MASP1: variants seen among roughly 807,000 people sequenced by gnomAD.
MASP1 encodes the protein mannan-binding lectin serine protease 1.
MASP1 carries 59 observed loss-of-function variants against 77.1 expected under a neutral mutation model. The ratio of observed to expected loss-of-function variants is 0.77; its 90% confidence interval spans 0.62 to 0.95. MASP1 has a LOEUF of 0.95. Among genes scored for constraint, MASP1 ranks in the 40% least tolerant of loss-of-function variants. The probability of loss-of-function intolerance (pLI) is 0.00; values close to 1 mark genes in which losing one functional copy is unlikely to be tolerated. For missense variants in MASP1, 885 were observed against 912.9 expected, an observed-to-expected ratio of 0.97 and a Z score of 0.39; for synonymous variants, 362 against 354.5, an observed-to-expected ratio of 1.02 and a Z score of -0.24.
At chr3:187,251,412 T>TGA in intron 7 of MASP1, 1 of 456,510 alleles carries the variant, frequency 2.2e-6, no homozygotes. Flanking sequence ...ATGCTCTGAT[T>TGA]AAAAAAAAAA....
chr3:187,247,922 C>T (rs1239523111), intron 8 of MASP1, among the ~76,000 whole-genome samples: 3 of 152,174 alleles, frequency 2.0e-5, no homozygotes, highest in African/African-American at 7.2e-5. Flanking sequence ...CCACTGCTTT[C>T]AGGTGTGATA....
chr3:187,237,114 T>C lies in MASP1; in HGVS notation c.1304-547A>G, dbSNP rs1434607953. Among the ~76,000 whole-genome samples the C allele has an allele frequency of 2.0e-5, 3 of 152,200 alleles. No individual in the cohort carries two copies. In the East Asian group the frequency reaches 5.8e-4, roughly 29 times the overall value. Reference sequence around the variant, plus strand: ...CCTGGCTTTTCTCTTCCATTTCCCATGTAACTCTGAGTCAGCAAATATCCC... The same window carrying C: ...CCTGGCTTTTCTCTTCCATTTCCCACGTAACTCTGAGTCAGCAAATATCCC... On this transcript the variant is annotated intron_variant, in intron 10 of 10. Coordinates refer to ENST00000296280, the MANE Select transcript of MASP1 (RefSeq NM_139125.4).
chr3:187,254,772 T>A (rs1325124464), intron 5 of MASP1, among the ~76,000 whole-genome samples: 1 of 152,180 alleles, frequency 6.6e-6, no homozygotes, highest in Non-Finnish European at 1.5e-5. Flanking sequence ...GGCTCTATTA[T>A]CTGATCCGGA....
intron 10 of MASP1, among the ~76,000 whole-genome samples, chr3:187,239,962 C>T (rs10513806): frequency 0.039 from 5,863 of 152,160 alleles, 241 homozygotes; most frequent in East Asian, 0.22. Flanking sequence ...GAATGGTAGA[C>T]AACTCCATAG....
intron 2 of MASP1, among the ~76,000 whole-genome samples, chr3:187,269,236 T>C (rs1716318801): frequency 6.6e-6 from 1 of 152,150 alleles, no homozygotes; most frequent in Non-Finnish European, 1.5e-5. Context: ...CATTATTCTG[T>C]AGCACCCTGA....
intron 2 of MASP1, among the ~76,000 whole-genome samples, chr3:187,270,312 T>C (rs911186533): frequency 1.3e-5 from 2 of 152,222 alleles, no homozygotes; most frequent in Non-Finnish European, 2.9e-5. Flanking sequence ...AAATCTTTGC[T>C]GAATCAGTGC....
At chr3:187,277,891 C>T (rs954145626) in intron 2 of MASP1, among the ~76,000 whole-genome samples, 1 of 152,098 alleles carries the variant, frequency 6.6e-6, no homozygotes, top group Non-Finnish European at 1.5e-5. Context: ...AGCACTTTTC[C>T]ATAAATTGCT....
At chr3:187,285,731 A>T in intron 2 of MASP1, 94 bp downstream of exon 2, 1 of 986,006 alleles carries the variant, frequency 1.0e-6, no homozygotes, top group Non-Finnish European at 1.6e-6. Flanking sequence ...TGTCTCTCTT[A>T]CTATATGCCA....
chr3:187,227,635 G>T (rs1039472988), intron 11 of MASP1, among the ~76,000 whole-genome samples: 2 of 152,192 alleles, frequency 1.3e-5, no homozygotes, highest in African/African-American at 2.4e-5. Flanking sequence ...GCAGCTATGT[G>T]CTCCTGGGTC....
Position 187,260,721 on chromosome 3 carries a change from C to T in MASP1, c.547+20G>A. On this transcript the variant is annotated intron_variant, in intron 4 of 10. Coordinates refer to ENST00000296280, the MANE Select transcript of MASP1 (RefSeq NM_139125.4). Reference sequence around the variant, plus strand: ...ATGTGGCCTATAAGGGCAATGCATACAATCATTGGTAGGCTCTACCTCGGC... The same window carrying T: ...ATGTGGCCTATAAGGGCAATGCATATAATCATTGGTAGGCTCTACCTCGGC... 1.9e-6 allele frequency: 3 copies of T among 1,614,152 alleles called. No individual in the cohort carries two copies. The highest frequency in any genetic ancestry group is 8.5e-7 in the Non-Finnish European group (1 of 1,180,000).
intron 13 of MASP1, chr3:187,225,291 C>A: frequency 1.9e-6 from 3 of 1,609,906 alleles, no homozygotes; most frequent in Non-Finnish European, 2.5e-6. Flanking sequence ...GAGGCACCAG[C>A]TGCCCTGCAG....
Position 187,260,932 on chromosome 3 carries a change from C to A in MASP1, c.416-60G>T, listed in dbSNP as rs1267135614. On this transcript the variant is annotated intron_variant, in intron 3 of 10. Transcript: ENST00000296280. ...GCATGATGATGAAGACTACAGCCAA[C>A]ATTTATAGAGCACTTGATATGGGCC... 7.5e-6 allele frequency: 12 copies of A among 1,602,038 alleles called. No homozygotes were observed. In the African/African-American group the frequency reaches 9.4e-5, roughly 12 times the overall value.
chr3:187,271,578 C>A (rs1012235977), intron 2 of MASP1, among the ~76,000 whole-genome samples: 1 of 152,034 alleles, frequency 6.6e-6, no homozygotes, highest in African/African-American at 2.4e-5. Flanking sequence ...GTTGAAAGTA[C>A]GCATTGAAAA....
At chr3:187,236,709 G>T in intron 10 of MASP1, 142 bp from the exon 11 acceptor site, 1 of 1,406,792 alleles carries the variant, frequency 7.1e-7, no homozygotes, top group Non-Finnish European at 9.8e-7. Flanking sequence ...GGTCATGCTA[G>T]CCTGGGAGAG....
At chr3:187,245,084 A>T (rs1433550172) in intron 8 of MASP1, 2 of 152,218 alleles carry the variant, frequency 1.3e-5, no homozygotes, top group Non-Finnish European at 1.5e-5. Flanking sequence ...CCTCTAGTCC[A>T]ATCACCCTGG....
Position 187,234,768 on chromosome 3 carries a change from T to C in MASP1, c.*916A>G. The C allele has an allele frequency of 7.8e-7, 1 of 1,287,266 alleles. No homozygotes were observed. Among genetic ancestry groups the C allele is most frequent in the Non-Finnish European group, 1.0e-6 (1 of 988,702 alleles). 79.7% of individuals were successfully genotyped at this position (1,287,266 alleles called of 1,614,324 possible). A position where few individuals can be genotyped will look rare whatever the true frequency, so the allele number is the denominator to read the frequency against. ...GCAGGACACAGTGTGGGTCTTTTCTTTTTCCAGGTAATCGACTAAGTCCCC... is the reference window on the plus strand; with the variant it reads ...GCAGGACACAGTGTGGGTCTTTTCTCTTTCCAGGTAATCGACTAAGTCCCC... On this transcript the variant is annotated 3_prime_UTR_variant, in exon 11 of 11. Coordinates refer to ENST00000296280, the MANE Select transcript of MASP1 (RefSeq NM_139125.4).
intron 8 of MASP1, chr3:187,247,410 A>G: frequency 6.2e-7 from 1 of 1,614,024 alleles, no homozygotes; most frequent in Non-Finnish European, 8.5e-7. Flanking sequence ...AAGATCAAAG[A>G]GGGATCAAGA....
intron 5 of MASP1, among the ~76,000 whole-genome samples, chr3:187,253,846 C>T (rs1486576310): frequency 1.3e-5 from 2 of 148,782 alleles, no homozygotes; most frequent in East Asian, 2.0e-4. Flanking sequence ...CAGGGGGTGG[C>T]GGGGCAAGGG....
At chr3:187,221,419 T>A (rs922353608) in intron 14 of MASP1, among the ~76,000 whole-genome samples, 6 of 152,164 alleles carry the variant, frequency 3.9e-5, no homozygotes, top group Non-Finnish European at 7.4e-5. Flanking sequence ...AAGATAGAGG[T>A]AATAATACTT....
Sources: allele counts gnomAD v4.1 joint callset (sites outside exome capture counted in the v4.1 genomes callset), GRCh38; gene constraint gnomAD v4.1.1; transcripts MANE v1.5; gene names NCBI Gene and HGNC (gene_info 2026-07-23, HGNC 2026-07-21).